SPOCK1: variants seen among roughly 807,000 people sequenced by gnomAD.
SPOCK1 encodes SPARC (osteonectin), cwcv and kazal like domains proteoglycan 1.
A neutral mutation model predicts 55.3 loss-of-function variants in SPOCK1; 23 were observed. That is an observed-to-expected ratio of 0.42 (90% CI 0.30 to 0.59). The LOEUF is 0.59. Ranked by LOEUF, SPOCK1 falls within the 20% of genes least tolerant of loss-of-function variation. SPOCK1 has a pLI of 0.22. For synonymous variants in SPOCK1, 226 were observed against 221.0 expected, an observed-to-expected ratio of 1.02 and a Z score of -0.20; for missense variants, 499 against 552.5, an observed-to-expected ratio of 0.90 and a Z score of 0.97.
At chr5:137,329,770 G>A (rs967709501) in intron 2 of SPOCK1, among the ~76,000 whole-genome samples, 3 of 152,290 alleles carry the variant, frequency 2.0e-5, no homozygotes, top group Middle Eastern at 3.4e-3. Flanking sequence ...ATCCCACAGT[G>A]CAAGCTCGAG....
chr5:137,133,716 T>G (rs552976193), intron 4 of SPOCK1, among the ~76,000 whole-genome samples: 1 of 152,212 alleles, frequency 6.6e-6, no homozygotes, highest in South Asian at 2.1e-4. Flanking sequence ...AGAGAGGCGA[T>G]TGTGGGTTTA....
chr5:137,157,544 T>C (rs983286435), intron 3 of SPOCK1, among the ~76,000 whole-genome samples: 10 of 152,170 alleles, frequency 6.6e-5, no homozygotes, highest in South Asian at 2.1e-4. Context: ...GACCTCTTCC[T>C]CCCAGTGCTT....
At chr5:137,204,756 C>T (rs991392932) in intron 3 of SPOCK1, among the ~76,000 whole-genome samples, 2 of 152,176 alleles carry the variant, frequency 1.3e-5, no homozygotes, top group African/African-American at 4.8e-5. Flanking sequence ...GCAGCTTCAT[C>T]CTGCCTTTGG....
At chr5:137,470,628 C>G (rs973654853) in intron 2 of SPOCK1, among the ~76,000 whole-genome samples, 2 of 151,660 alleles carry the variant, frequency 1.3e-5, no homozygotes, top group Non-Finnish European at 2.9e-5. Context: ...GAGCCATGCA[C>G]TCTGCGGCCC....
chr5:137,066,973 C>CACACAT (rs1554095749), intron 6 of SPOCK1, among the ~76,000 whole-genome samples: 1 of 139,616 alleles, frequency 7.2e-6, no homozygotes, highest in Non-Finnish European at 1.6e-5. Context: ...TACACACACA[C>CACACAT]ACACACACAC....
chr5:137,388,626 C>T (rs374471399), intron 2 of SPOCK1, among the ~76,000 whole-genome samples: 2 of 152,146 alleles, frequency 1.3e-5, no homozygotes, highest in Non-Finnish European at 1.5e-5. Flanking sequence ...CCCTCCAGTT[C>T]AGCTCAACAG....
intron 2 of SPOCK1, among the ~76,000 whole-genome samples, chr5:137,338,122 A>G (rs1750327549): frequency 6.6e-6 from 1 of 151,936 alleles, no homozygotes; most frequent in African/African-American, 2.4e-5. Context: ...GCACCCAATA[A>G]CTCGTCATTT....
At chr5:137,212,599 C>G (rs1386539524) in intron 3 of SPOCK1, among the ~76,000 whole-genome samples, 2 of 152,192 alleles carry the variant, frequency 1.3e-5, no homozygotes, top group East Asian at 3.8e-4. Flanking sequence ...CTGCATAGTG[C>G]CTGATTAACA....
chr5:137,383,786 A>C (rs1355706247), intron 2 of SPOCK1, among the ~76,000 whole-genome samples: 1 of 152,154 alleles, frequency 6.6e-6, no homozygotes, highest in Non-Finnish European at 1.5e-5. Context: ...CTCAGGACAC[A>C]CTTTCACTCT....
intron 3 of SPOCK1, among the ~76,000 whole-genome samples, chr5:137,198,121 T>C (rs76151574): frequency 1.3e-5 from 2 of 152,236 alleles, no homozygotes; most frequent in African/African-American, 2.4e-5. Flanking sequence ...TTCACTTTTT[T>C]ATGTCATAAT....
chr5:137,367,190 C>T (rs1751090640), intron 2 of SPOCK1, among the ~76,000 whole-genome samples: 1 of 152,192 alleles, frequency 6.6e-6, no homozygotes, highest in Non-Finnish European at 1.5e-5. Context: ...TAAGCTGATG[C>T]CCTTCCTTTG....
At chr5:137,268,118 C>G (rs1458335619) in intron 2 of SPOCK1, among the ~76,000 whole-genome samples, 1 of 152,238 alleles carries the variant, frequency 6.6e-6, no homozygotes, top group Non-Finnish European at 1.5e-5. Context: ...CAGTTTATCT[C>G]TGACACGATC....
chr5:136,987,832 C>T (rs1750872812), intron 8 of SPOCK1, among the ~76,000 whole-genome samples: 1 of 152,160 alleles, frequency 6.6e-6, no homozygotes, highest in South Asian at 2.1e-4. Context: ...AGGGCACCTG[C>T]CACTGGCTTC....
chr5:137,173,623 C>T (rs989923456), intron 3 of SPOCK1, among the ~76,000 whole-genome samples: 1 of 152,140 alleles, frequency 6.6e-6, no homozygotes, highest in Admixed American at 6.5e-5. Context: ...ACATCAGATA[C>T]AATACAAATC....
chr5:137,176,938 A>C (rs1470380832), intron 3 of SPOCK1, among the ~76,000 whole-genome samples: 1 of 152,200 alleles, frequency 6.6e-6, no homozygotes, highest in Non-Finnish European at 1.5e-5. Context: ...GTCTGAGTAC[A>C]TAACAGTACA....
At chr5:137,229,008 G>A (rs1415310624) in intron 3 of SPOCK1, among the ~76,000 whole-genome samples, 2 of 152,158 alleles carry the variant, frequency 1.3e-5, no homozygotes, top group Non-Finnish European at 2.9e-5. Context: ...GGCACTGGGA[G>A]CAACCTGGGC....
intron 3 of SPOCK1, among the ~76,000 whole-genome samples, chr5:137,185,468 A>C (rs1370815473): frequency 6.6e-6 from 1 of 152,230 alleles, no homozygotes; most frequent in Non-Finnish European, 1.5e-5. Flanking sequence ...AAGGAGTCTC[A>C]GCAATTAGTT....
At chr5:136,981,197 A>C (rs1750724378) in intron 9 of SPOCK1, among the ~76,000 whole-genome samples, 1 of 152,174 alleles carries the variant, frequency 6.6e-6, no homozygotes, top group Admixed American at 6.5e-5. Flanking sequence ...GGTATATACT[A>C]AAGTTTGAGA....
chr5:137,153,826 C>T (rs1213787696), intron 3 of SPOCK1, among the ~76,000 whole-genome samples: 2 of 151,270 alleles, frequency 1.3e-5, no homozygotes, highest in Admixed American at 6.6e-5. Context: ...CCACTGCACT[C>T]CAGCCTGGGT....
Sources: gnomAD v4.1 joint callset for allele counts (sites outside exome capture counted in the v4.1 genomes callset) on GRCh38, gnomAD v4.1.1 for gene constraint, MANE v1.5 for transcripts, NCBI Gene and HGNC (gene_info 2026-07-23, HGNC 2026-07-21) for gene names.